DOCK2: variants seen among roughly 807,000 people sequenced by gnomAD.
DOCK2 encodes dedicator of cytokinesis protein 2.
In DOCK2, 87 loss-of-function variants were observed where a neutral mutation model predicts 248.9. That is an observed-to-expected ratio of 0.35 (90% confidence interval 0.29 to 0.42). The LOEUF is 0.42. Among genes scored for constraint, DOCK2 ranks in the 10% least tolerant of loss-of-function variants. DOCK2 has a pLI of 1.00. For synonymous variants in DOCK2, 805 were observed against 821.6 expected, an observed-to-expected ratio of 0.98 and a Z score of 0.35; for missense variants, 1,747 against 2,300.2, an observed-to-expected ratio of 0.76 and a Z score of 4.92.
intron 25 of DOCK2, among the ~76,000 whole-genome samples, chr5:169,793,045 T>C (rs1766446553): frequency 2.0e-5 from 3 of 152,204 alleles, no homozygotes; most frequent in African/African-American, 7.2e-5. Flanking sequence ...GGCGTGATGA[T>C]AGGCTATCTC....
intron 27 of DOCK2, among the ~76,000 whole-genome samples, chr5:169,871,319 G>A (rs1771955912): frequency 6.6e-6 from 1 of 152,054 alleles, no homozygotes; most frequent in Non-Finnish European, 1.5e-5. Context: ...CTAAGGAGAA[G>A]AAACAAAAAG....
chr5:169,702,351 A>G lies in DOCK2; in HGVS notation c.1307A>G (p.Asp436Gly), dbSNP rs1481815264. The change falls in exon 14 of 52, where the codon GAC becomes GGC. Residue 436 changes from aspartate (D) to glycine (G), a missense_variant. By Grantham distance (94) the Asp-to-Gly change is moderately conservative. Coordinates refer to ENST00000520908, the MANE Select transcript of DOCK2 (RefSeq NM_004946.3). ...IYITLLQGDF[D>G]KYNKTTQRNV... Reference sequence around the variant, plus strand: ...ATTACTCTCTTACAAGGTGACTTTGACAAGTACAACAAGACCACACAGAGG... The same window carrying G: ...ATTACTCTCTTACAAGGTGACTTTGGCAAGTACAACAAGACCACACAGAGG... The G allele has an allele frequency of 6.2e-7, 1 of 1,613,856 alleles. No homozygotes were observed. The highest frequency in any genetic ancestry group is 2.2e-5 in the East Asian group (1 of 44,876).
Position 170,078,898 on chromosome 5 carries a change from A to G in DOCK2, c.4995-77A>G, listed in dbSNP as rs1757929711. 2.6e-6 allele frequency: 4 copies of G among 1,550,906 alleles called. No homozygotes were observed. The East Asian group carries it at 9.0e-5, about 35-fold the overall frequency. On this transcript the variant is annotated intron_variant, in intron 48 of 51. Transcript: ENST00000520908. ...CTCAGGCAGCCCAAAGGTCCCCTTCAGCTTCCTGGGTCCTTGCAAGGCAGT... is the reference window on the plus strand; with the variant it reads ...CTCAGGCAGCCCAAAGGTCCCCTTCGGCTTCCTGGGTCCTTGCAAGGCAGT...
chr5:170,061,593 C>T (rs1229230046), intron 44 of DOCK2, among the ~76,000 whole-genome samples: 2 of 152,194 alleles, frequency 1.3e-5, no homozygotes, highest in Non-Finnish European at 2.9e-5. Flanking sequence ...CTGTAATGAC[C>T]TGAAAGTTAC....
intron 26 of DOCK2, among the ~76,000 whole-genome samples, chr5:169,826,267 G>A (rs1382767576): frequency 6.6e-6 from 1 of 152,178 alleles, no homozygotes; most frequent in African/African-American, 2.4e-5. Flanking sequence ...TTTGCCTGGG[G>A]TAAGGTGGAA....
At chr5:169,648,792 T>C (rs1020762290) in intron 1 of DOCK2, among the ~76,000 whole-genome samples, 1 of 152,220 alleles carries the variant, frequency 6.6e-6, no homozygotes, top group African/African-American at 2.4e-5. Context: ...GTGTCTGGTA[T>C]GCAGGAAGTG....
chr5:169,929,769 GAGAGAA>G (rs1359633712), intron 27 of DOCK2, among the ~76,000 whole-genome samples: 7 of 150,046 alleles, frequency 4.7e-5, no homozygotes, highest in African/African-American at 1.7e-4. Context: ...AAAAGAGAGA[GAGAGAA>G]AGAAGCTATC....
chr5:169,945,246 A>G (rs1776398804), intron 27 of DOCK2, among the ~76,000 whole-genome samples: 1 of 152,266 alleles, frequency 6.6e-6, no homozygotes, highest in Non-Finnish European at 1.5e-5. Context: ...CTGTGTTATC[A>G]TTCATACAAC....
chr5:169,656,657 C>T (rs1487044090), intron 2 of DOCK2, among the ~76,000 whole-genome samples: 1 of 152,218 alleles, frequency 6.6e-6, no homozygotes, highest in African/African-American at 2.4e-5. Flanking sequence ...CTTTCCTCCA[C>T]CCATGCCTGC....
intron 23 of DOCK2, among the ~76,000 whole-genome samples, chr5:169,752,445 A>G (rs1561663304): frequency 6.6e-6 from 1 of 152,126 alleles, no homozygotes; most frequent in Non-Finnish European, 1.5e-5. Context: ...GAATGAATGA[A>G]TGAATGAATA....
intron 27 of DOCK2, among the ~76,000 whole-genome samples, chr5:169,912,722 T>G (rs188018831): frequency 1.2e-4 from 19 of 152,214 alleles, no homozygotes; most frequent in African/African-American, 4.6e-4. Flanking sequence ...TGGTCCAGCT[T>G]ATTGTCCAAT....
rs1023937140 is a variant in DOCK2, at chr5:169,950,531, T to C, written c.2800-32537T>C. Among the ~76,000 whole-genome samples the C allele has an allele frequency of 6.6e-5, 10 of 152,322 alleles. 1 individual carries two copies. Among genetic ancestry groups the C allele is most frequent in the Admixed American group, 6.5e-4 (10 of 15,306 alleles). On this transcript the variant is annotated intron_variant, in intron 27 of 51. Transcript: ENST00000520908. ...TGGGCCACACAACATGGCCCCTCTC[T>C]TGTAGCAAAGAAGTCATTCTCTGGG...
intron 27 of DOCK2, among the ~76,000 whole-genome samples, chr5:169,842,703 C>T (rs1258419809): frequency 1.3e-5 from 2 of 152,182 alleles, no homozygotes; most frequent in Admixed American, 1.3e-4. Flanking sequence ...GCTTTTAACT[C>T]CCTTTCCTGT....
At chr5:169,886,100 G>C (rs1772952604) in intron 27 of DOCK2, among the ~76,000 whole-genome samples, 1 of 152,088 alleles carries the variant, frequency 6.6e-6, no homozygotes, top group Non-Finnish European at 1.5e-5. Context: ...GGAGTGATCT[G>C]CATCTCTCTT....
chr5:169,900,247 TG>T (rs1234903512), intron 27 of DOCK2, among the ~76,000 whole-genome samples: 4 of 152,158 alleles, frequency 2.6e-5, no homozygotes, highest in Non-Finnish European at 5.9e-5. Flanking sequence ...GGCCCTAACC[TG>T]TTGGGACCTT....
intron 15 of DOCK2, 89 bp from the exon 16 acceptor site, chr5:169,711,846 G>A: frequency 7.1e-7 from 1 of 1,407,150 alleles, no homozygotes; most frequent in Non-Finnish European, 1.0e-6. Context: ...TCAGTTAAAT[G>A]GTCAGGCTGC....
At chr5:170,021,528 T>G (rs1488786896) in intron 33 of DOCK2, among the ~76,000 whole-genome samples, 1 of 152,148 alleles carries the variant, frequency 6.6e-6, no homozygotes, top group African/African-American at 2.4e-5. Context: ...CTAGTGTGAT[T>G]TTCCTTCCCT....
intron 29 of DOCK2, among the ~76,000 whole-genome samples, chr5:169,994,381 G>C (rs1226501904): frequency 6.6e-6 from 1 of 152,168 alleles, no homozygotes; most frequent in Non-Finnish European, 1.5e-5. Flanking sequence ...GGGAAAGGGG[G>C]TTGCAATGAG....
rs112448050 is a variant in DOCK2, at chr5:169,978,394, G to C, written c.2800-4674G>C. Among the ~76,000 whole-genome samples the C allele has an allele frequency of 4.0e-5, 4 of 99,350 alleles. 1 individual carries two copies. Among genetic ancestry groups the C allele is most frequent in the Non-Finnish European group, 5.4e-5 (3 of 55,774 alleles). 65.2% of individuals were successfully genotyped at this position (99,350 alleles called of 152,430 possible). A position where few individuals can be genotyped will look rare whatever the true frequency, so the allele number is the denominator to read the frequency against. On this transcript the variant is annotated intron_variant, in intron 27 of 51. Transcript: ENST00000520908. ...CTGTGTATGTGTGTGTGTGTGTGTG[G>C]GGGGGGGGGGGTGTAGGTGTGTTTG...
Sources: gnomAD v4.1 joint callset for allele counts (sites outside exome capture counted in the v4.1 genomes callset) on GRCh38, gnomAD v4.1.1 for gene constraint, MANE v1.5 for transcripts, NCBI Gene and HGNC (gene_info 2026-07-23, HGNC 2026-07-21) for gene names.